RPS6KC1: variants seen among roughly 807,000 people sequenced by gnomAD.
RPS6KC1 encodes the protein inactive ribosomal protein S6 kinase delta-1.
RPS6KC1 carries 54 observed loss-of-function variants against 103.8 expected under a neutral mutation model. The observed-to-expected ratio is 0.52, with a 90% CI of 0.42 to 0.65. The LOEUF (loss-of-function observed/expected upper bound fraction) is 0.65. RPS6KC1 is among the 30% of genes least tolerant of loss of function. RPS6KC1 has a pLI of 0.00. For missense variants in RPS6KC1, 1,151 were observed against 1,253.8 expected, an observed-to-expected ratio of 0.92 and a Z score of 1.24; for synonymous variants, 439 against 438.7, an observed-to-expected ratio of 1.00 and a Z score of -0.01.
At chr1:213,059,659 A>ATG (rs1291873920) in intron 1 of RPS6KC1, among the ~76,000 whole-genome samples, 1 of 150,358 alleles carries the variant, frequency 6.7e-6, no homozygotes, top group Non-Finnish European at 1.5e-5. Flanking sequence ...GATTACAGGC[A>ATG]TGTGCTACCA....
the RPS6KC1 span, among the ~76,000 whole-genome samples, chr1:213,551,832 A>G: frequency 6.6e-6 from 1 of 152,326 alleles, no homozygotes; most frequent in East Asian, 1.9e-4. Context: ...TTCATTGCTC[A>G]AAAATTCCTC....
chr1:213,144,545 A>G (rs971746762), intron 6 of RPS6KC1, among the ~76,000 whole-genome samples: 3 of 151,944 alleles, frequency 2.0e-5, no homozygotes, highest in Non-Finnish European at 4.4e-5. Context: ...GAGCCACTGC[A>G]CCTGGCCCCC....
the RPS6KC1 span, among the ~76,000 whole-genome samples, chr1:213,503,035 T>C: frequency 6.0e-4 from 92 of 152,250 alleles, no homozygotes; most frequent in African/African-American, 2.0e-3. Context: ...TTTTTGCATA[T>C]GCTCTATTTT....
intron 8 of RPS6KC1, 79 bp from the exon 9 acceptor site, chr1:213,230,418 C>A: frequency 1.9e-6 from 2 of 1,076,866 alleles, no homozygotes; most frequent in Non-Finnish European, 2.7e-6. Flanking sequence ...CCCTGCCCTA[C>A]TCTTAAAGTT....
chr1:213,377,411 T>C, the RPS6KC1 span, among the ~76,000 whole-genome samples: 1 of 152,346 alleles, frequency 6.6e-6, no homozygotes, highest in African/African-American at 2.4e-5. Context: ...GATTCACTGG[T>C]CATTTAGAGC....
the RPS6KC1 span, among the ~76,000 whole-genome samples, chr1:213,375,618 T>C: frequency 1.5e-3 from 225 of 152,264 alleles, no homozygotes; most frequent in South Asian, 4.6e-3. Flanking sequence ...CACATATTGG[T>C]TAGGATTCTT....
At chr1:213,357,832 C>G in the RPS6KC1 span, among the ~76,000 whole-genome samples, 1 of 152,202 alleles carries the variant, frequency 6.6e-6, no homozygotes, top group African/African-American at 2.4e-5. Flanking sequence ...CCAGGAACAA[C>G]CTGGCTGGCT....
chr1:213,359,625 T>A, the RPS6KC1 span, among the ~76,000 whole-genome samples: 1 of 152,098 alleles, frequency 6.6e-6, no homozygotes, highest in East Asian at 1.9e-4. Flanking sequence ...ATTTTGCTCG[T>A]TAGTTGATGC....
intron 7 of RPS6KC1, among the ~76,000 whole-genome samples, chr1:213,169,781 GTT>G (rs67593764): frequency 4.5e-5 from 6 of 133,896 alleles, no homozygotes; most frequent in African/African-American, 8.3e-5. Context: ...AAATTTTTAA[GTT>G]TTTTTTTTTT....
chr1:213,323,878 A>G, the RPS6KC1 span, among the ~76,000 whole-genome samples: 4 of 152,288 alleles, frequency 2.6e-5, no homozygotes, highest in East Asian at 7.7e-4. Context: ...CATAATCATC[A>G]TCATCATTAG....
the RPS6KC1 span, among the ~76,000 whole-genome samples, chr1:213,301,698 C>CTTACTTATTTATTTAT: frequency 5.0e-5 from 7 of 141,162 alleles, no homozygotes; most frequent in African/African-American, 7.9e-5. Flanking sequence ...GACCCATTTA[C>CTTACTTATTTATTTAT]TTATTTATTT....
the RPS6KC1 span, among the ~76,000 whole-genome samples, chr1:213,771,983 C>T: frequency 1.4e-4 from 22 of 152,272 alleles, no homozygotes; most frequent in Middle Eastern, 3.4e-3. Flanking sequence ...ATTACCAGCT[C>T]CACGTACGCT....
intron 8 of RPS6KC1, chr1:213,205,282 AT>A (rs1256019296): frequency 1.0e-6 from 1 of 984,812 alleles, no homozygotes; most frequent in African/African-American, 1.7e-5. Flanking sequence ...GCTGAAGACA[AT>A]TGTTACATAT....
At chr1:213,533,053 G>A in the RPS6KC1 span, among the ~76,000 whole-genome samples, 2 of 152,208 alleles carry the variant, frequency 1.3e-5, no homozygotes, top group Non-Finnish European at 2.9e-5. Flanking sequence ...TCACTTGACA[G>A]GCAGTGGGAG....
the RPS6KC1 span, among the ~76,000 whole-genome samples, chr1:213,708,238 T>C: frequency 6.6e-6 from 1 of 152,198 alleles, no homozygotes; most frequent in Non-Finnish European, 1.5e-5. Flanking sequence ...GTAGGTCTCT[T>C]TGAAGAGGTC....
chr1:213,837,164 C>G, the RPS6KC1 span: 2 of 152,120 alleles, frequency 1.3e-5, no homozygotes, highest in Non-Finnish European at 2.9e-5. Context: ...CCATTCAGCT[C>G]CTCTGTTCCA....
the RPS6KC1 span, chr1:213,841,267 C>A: frequency 6.6e-6 from 1 of 152,192 alleles, no homozygotes; most frequent in Non-Finnish European, 1.5e-5. Flanking sequence ...ATTGCAACTT[C>A]TTTCCTCCAA....
chr1:213,219,997 TTAAG>T (rs909211344), intron 8 of RPS6KC1, among the ~76,000 whole-genome samples: 19 of 152,042 alleles, frequency 1.2e-4, no homozygotes, highest in Admixed American at 2.0e-4. Context: ...CCCTAAAACT[TTAAG>T]TATAATAATT....
At chr1:213,789,235 A>G in the RPS6KC1 span, among the ~76,000 whole-genome samples, 4 of 152,218 alleles carry the variant, frequency 2.6e-5, no homozygotes, top group African/African-American at 9.6e-5. Flanking sequence ...CTTCTCTTCT[A>G]GACAGTAAGA....
Sources: allele counts gnomAD v4.1 joint callset (sites outside exome capture counted in the v4.1 genomes callset), GRCh38; gene constraint gnomAD v4.1.1; transcripts MANE v1.5; gene names NCBI Gene and HGNC (gene_info 2026-07-23, HGNC 2026-07-21).